MDGA2: variants seen among roughly 807,000 people sequenced by gnomAD.
MDGA2 encodes the protein MAM domain containing glycosylphosphatidylinositol anchor 2.
Under a neutral mutation model 117.8 loss-of-function variants are expected in MDGA2, and 40 were observed. That is an observed-to-expected ratio of 0.34 (90% CI 0.26 to 0.44). The LOEUF (loss-of-function observed/expected upper bound fraction) is 0.44, where lower values mean the gene tolerates loss of function less well. Among genes scored for constraint, MDGA2 ranks in the 20% least tolerant of loss-of-function variants. MDGA2 has a pLI of 1.00. For synonymous variants in MDGA2, 452 were observed against 439.0 expected (o/e 1.03, Z -0.37); for missense variants, 1,123 against 1,250.6 (o/e 0.90, Z 1.54).
intron 1 of MDGA2, among the ~76,000 whole-genome samples, chr14:47,455,404 G>A (rs1893328660): frequency 6.6e-6 from 1 of 152,028 alleles, no homozygotes; most frequent in African/African-American, 2.4e-5. Context: ...TACTTGAGAG[G>A]CGGAGGCACA....
chr14:47,515,858 T>C (rs2138702721), intron 1 of MDGA2, among the ~76,000 whole-genome samples: 1 of 152,274 alleles, frequency 6.6e-6, no homozygotes, highest in Non-Finnish European at 1.5e-5. Flanking sequence ...GCACCTCAGT[T>C]TTCTCATCTG....
At chr14:46,851,706 G>T (rs1881061993) in intron 15 of MDGA2, among the ~76,000 whole-genome samples, 2 of 151,714 alleles carry the variant, frequency 1.3e-5, no homozygotes, top group Admixed American at 1.3e-4. Context: ...ATTTCAAGAG[G>T]TAAAAGTTGT....
chr14:47,211,494 T>C (rs551195611), intron 3 of MDGA2, among the ~76,000 whole-genome samples: 3 of 152,270 alleles, frequency 2.0e-5, no homozygotes, highest in African/African-American at 7.2e-5. Flanking sequence ...CCATTGGTTT[T>C]TGACACAGCT....
At position 47,006,318 on chromosome 14, in the gene MDGA2, C is replaced by T. The variant is rs540711664; in HGVS notation, c.1819+28693G>A. 2.4e-3 allele frequency among the ~76,000 whole-genome samples: 364 copies of T among 149,526 alleles called. 4 individuals carry two copies. Among genetic ancestry groups the T allele is most frequent in the Admixed American group, 4.6e-3 (69 of 14,932 alleles). ...TTTACAGTAGCTAAATTTGAAATAACGTTGTCTCCATTTCACAAAAACAGA... is the reference window on the plus strand; with the variant it reads ...TTTACAGTAGCTAAATTTGAAATAATGTTGTCTCCATTTCACAAAAACAGA... On this transcript the variant is annotated intron_variant, in intron 8 of 16. Transcript: ENST00000399232.
At chr14:47,540,100 C>G (rs1276106711) in intron 1 of MDGA2, among the ~76,000 whole-genome samples, 4 of 152,042 alleles carry the variant, frequency 2.6e-5, no homozygotes, top group African/African-American at 9.7e-5. Context: ...GCAGGCTCCG[C>G]CCCCCGGGGT....
In MDGA2 at chr14:47,464,193, C is replaced by T. The variant is rs547317926; in HGVS notation, c.281-162643G>A. Among the ~76,000 whole-genome samples, 238 of 151,788 alleles carry T rather than the reference C, an allele frequency of 1.6e-3. 1 individual carries two copies. The highest frequency in any genetic ancestry group is 5.6e-3 in the African/African-American group (231 of 41,358). On this transcript the variant is annotated intron_variant, in intron 1 of 16. Transcript: ENST00000399232. ...ATCAGCAGACATAAATCAGAGCTGA[C>T]TGGACCTGAGATGGACCAAAGGTGG...
At chr14:47,342,907 A>G (rs143680095) in intron 1 of MDGA2, 1 of 457,268 alleles carries the variant, frequency 2.2e-6, no homozygotes, top group East Asian at 7.1e-5. Flanking sequence ...AAAGGAACTC[A>G]TTTCATACTT....
chr14:46,947,465 A>G (rs1885212998), intron 9 of MDGA2, among the ~76,000 whole-genome samples: 1 of 151,994 alleles, frequency 6.6e-6, no homozygotes, highest in Non-Finnish European at 1.5e-5. Context: ...AAGTCTAGCC[A>G]ATATGGTTTG....
intron 1 of MDGA2, among the ~76,000 whole-genome samples, chr14:47,642,406 T>C (rs1342903901): frequency 6.6e-6 from 1 of 152,100 alleles, no homozygotes; most frequent in Non-Finnish European, 1.5e-5. Context: ...AACATGACTT[T>C]GCAGCATATT....
chr14:46,929,388 A>G (rs1023059332), intron 9 of MDGA2, among the ~76,000 whole-genome samples: 2 of 151,298 alleles, frequency 1.3e-5, no homozygotes, highest in Non-Finnish European at 2.9e-5. Context: ...GGGAAAATGA[A>G]TATTAGGAAG....
At chr14:47,320,540 CCTCT>C (rs1183932076) in intron 1 of MDGA2, among the ~76,000 whole-genome samples, 2 of 152,068 alleles carry the variant, frequency 1.3e-5, no homozygotes, top group Admixed American at 6.6e-5. Context: ...CTTCCATTTT[CCTCT>C]CTCTACCACT....
At chr14:47,242,991 G>T (rs960520414) in intron 2 of MDGA2, among the ~76,000 whole-genome samples, 1 of 151,734 alleles carries the variant, frequency 6.6e-6, no homozygotes, top group African/African-American at 2.4e-5. Flanking sequence ...TTAGCTCAAG[G>T]TTTGTGAGTG....
intron 2 of MDGA2, among the ~76,000 whole-genome samples, chr14:47,285,765 C>G (rs756220014): frequency 6.6e-6 from 1 of 151,962 alleles, no homozygotes; most frequent in Admixed American, 6.6e-5. Flanking sequence ...ATAAGTAAAT[C>G]GGAAGATTTC....
intron 6 of MDGA2, among the ~76,000 whole-genome samples, chr14:47,065,160 C>T (rs921341868): frequency 6.6e-6 from 1 of 152,084 alleles, no homozygotes; most frequent in African/African-American, 2.4e-5. Flanking sequence ...AACCTCTGTT[C>T]TGGATAATCA....
chr14:47,272,737 C>T (rs1045473207), intron 2 of MDGA2, among the ~76,000 whole-genome samples: 6 of 152,172 alleles, frequency 3.9e-5, no homozygotes, highest in African/African-American at 1.4e-4. Context: ...TAACAAATTT[C>T]ATGCACCTCA....
intron 2 of MDGA2, among the ~76,000 whole-genome samples, chr14:47,239,100 TG>T (rs1360433834): frequency 6.6e-6 from 1 of 151,434 alleles, no homozygotes; most frequent in Non-Finnish European, 1.5e-5. Context: ...CAAATTTGAG[TG>T]CTACTATCGC....
rs1242340037 is a variant in MDGA2 at position 47,561,162 on chromosome 14, T to G, written c.280+113355A>C. 1.7e-3 allele frequency among the ~76,000 whole-genome samples: 145 copies of G among 87,656 alleles called. 6 individuals carry two copies. Among genetic ancestry groups the G allele is most frequent in the African/African-American group, 5.2e-3 (129 of 24,754 alleles). The allele number at this position is 87,656 out of a possible 152,430, so 57.5% of individuals were successfully genotyped here. A position where few individuals can be genotyped will look rare whatever the true frequency, so the allele number is the denominator to read the frequency against. ...CTTTGTTTTTTTTTTTGTTTTGTTT[T>G]GTTTTTTTGTTTGTTTGTTTTTTTT... is the stretch of plus-strand genomic sequence containing the variant. On this transcript the variant is annotated intron_variant, in intron 1 of 16. Coordinates refer to ENST00000399232, the MANE Select transcript of MDGA2 (RefSeq NM_001113498.3).
At chr14:46,845,680 T>A in intron 16 of MDGA2, 86 bp downstream of exon 16, 2 of 827,376 alleles carry the variant, frequency 2.4e-6, no homozygotes, top group Non-Finnish European at 3.7e-6. Flanking sequence ...ATAACTCCGT[T>A]TTTAAAATTA....
chr14:47,419,223 G>T (rs942515116), intron 1 of MDGA2, among the ~76,000 whole-genome samples: 11 of 152,048 alleles, frequency 7.2e-5, no homozygotes, highest in Non-Finnish European at 1.3e-4. Context: ...AGACTGAAGT[G>T]ATACTAAATG....
Sources: allele counts gnomAD v4.1 joint callset (sites outside exome capture counted in the v4.1 genomes callset), GRCh38; gene constraint gnomAD v4.1.1; transcripts MANE v1.5; gene names NCBI Gene and HGNC (gene_info 2026-07-23, HGNC 2026-07-21).